Variants in TNS3 observed in about 807,000 individuals in gnomAD.
TNS3 encodes tensin-3.
In TNS3, 45 loss-of-function variants were observed where a neutral mutation model predicts 140.9. The ratio of observed to expected loss-of-function variants is 0.32; its 90% confidence interval spans 0.25 to 0.41. The LOEUF (loss-of-function observed/expected upper bound fraction) is 0.41, where lower values mean the gene tolerates loss of function less well. Among genes scored for constraint, TNS3 ranks in the 10% least tolerant of loss-of-function variants. The probability of loss-of-function intolerance (pLI) is 1.00; values close to 1 mark genes in which losing one functional copy is unlikely to be tolerated. For missense variants in TNS3, 1,716 were observed against 1,906.7 expected (o/e 0.90, Z 1.86); for synonymous variants, 815 against 788.4 (o/e 1.03, Z -0.56).
intron 3 of TNS3, among the ~76,000 whole-genome samples, chr7:47,501,173 AGAGG>A (rs1798203165): frequency 1.3e-5 from 1 of 74,852 alleles, no homozygotes; most frequent in African/African-American, 4.7e-5. Context: ...AGGGAGGAAG[AGAGG>A]AAGGAAGGAA....
intron 22 of TNS3, 146 bp downstream of exon 22, chr7:47,302,803 TG>T: frequency 8.6e-7 from 1 of 1,158,996 alleles, no homozygotes; most frequent in Non-Finnish European, 1.2e-6. Flanking sequence ...ACGAGGAAAA[TG>T]GAAAAGTACC....
At chr7:47,577,765 C>A (rs564037107) in intron 1 of TNS3, among the ~76,000 whole-genome samples, 24 of 152,242 alleles carry the variant, frequency 1.6e-4, no homozygotes, top group African/African-American at 5.5e-4. Flanking sequence ...GTCTTGTTAG[C>A]CGCGTTATTA....
chr7:47,302,111 G>A, intron 23 of TNS3, 75 bp downstream of exon 23: 2 of 1,248,994 alleles, frequency 1.6e-6, no homozygotes, highest in Non-Finnish European at 2.4e-6. Context: ...CCCACCGCAG[G>A]GCCCATCTTC....
chr7:47,329,525 C>T (rs943916797), intron 20 of TNS3, among the ~76,000 whole-genome samples: 2 of 152,214 alleles, frequency 1.3e-5, no homozygotes, highest in Non-Finnish European at 2.9e-5. Context: ...CTGGGACCCT[C>T]AGGGCCACCG....
intron 17 of TNS3, among the ~76,000 whole-genome samples, chr7:47,365,839 G>T (rs1198455679): frequency 6.6e-6 from 1 of 152,208 alleles, no homozygotes; most frequent in Admixed American, 6.5e-5. Flanking sequence ...ATAATATGAT[G>T]TGGCTTTCGA....
At chr7:47,471,627 C>T (rs540796920) in intron 4 of TNS3, among the ~76,000 whole-genome samples, 4 of 152,352 alleles carry the variant, frequency 2.6e-5, no homozygotes, top group Middle Eastern at 3.4e-3. Flanking sequence ...CTTTTAAACA[C>T]GTTCCACTAA....
At chr7:47,454,009 C>A (rs1251591348) in intron 4 of TNS3, among the ~76,000 whole-genome samples, 2 of 152,232 alleles carry the variant, frequency 1.3e-5, no homozygotes, top group African/African-American at 4.8e-5. Context: ...CACTTACATT[C>A]TTTTATTTTT....
chr7:47,548,254 G>C (rs1238814795), intron 1 of TNS3, among the ~76,000 whole-genome samples: 1 of 152,092 alleles, frequency 6.6e-6, no homozygotes, highest in Non-Finnish European at 1.5e-5. Context: ...TTTCCCAGTG[G>C]CATACAGCCT....
At chr7:47,516,648 A>T (rs1289744191) in intron 2 of TNS3, among the ~76,000 whole-genome samples, 1 of 152,188 alleles carries the variant, frequency 6.6e-6, no homozygotes, top group South Asian at 2.1e-4. Flanking sequence ...CTAATGCCCC[A>T]TCTACACATG....
chr7:47,438,531 G>C (rs935974339), intron 6 of TNS3, among the ~76,000 whole-genome samples: 1 of 152,164 alleles, frequency 6.6e-6, no homozygotes, highest in Non-Finnish European at 1.5e-5. Flanking sequence ...CATCAAATGG[G>C]GCTTGGCCAC....
intron 8 of TNS3, among the ~76,000 whole-genome samples, chr7:47,433,065 A>G (rs1254588761): frequency 6.6e-6 from 1 of 152,076 alleles, no homozygotes; most frequent in Non-Finnish European, 1.5e-5. Flanking sequence ...TGAGGAGGAG[A>G]CTGCACACAC....
chr7:47,303,738 T>C (rs2150717091), intron 21 of TNS3, among the ~76,000 whole-genome samples, 154 bp from the exon 22 acceptor site: 1 of 152,306 alleles, frequency 6.6e-6, no homozygotes, highest in South Asian at 2.1e-4. Context: ...ATATGTACAC[T>C]AAGGCCCTCT....
intron 12 of TNS3, among the ~76,000 whole-genome samples, chr7:47,412,008 A>T (rs1003649288): frequency 2.4e-4 from 37 of 152,286 alleles, no homozygotes; most frequent in Admixed American, 1.1e-3. Context: ...TAGCATCATC[A>T]TGGTCAGTGA....
chr7:47,552,775 G>A (rs1800097944), intron 1 of TNS3, among the ~76,000 whole-genome samples: 1 of 152,188 alleles, frequency 6.6e-6, no homozygotes, highest in African/African-American at 2.4e-5. Context: ...TGAAGTGAAA[G>A]GAAGAGTCAC....
intron 1 of TNS3, among the ~76,000 whole-genome samples, chr7:47,560,257 T>C (rs951450363): frequency 2.6e-5 from 4 of 151,826 alleles, no homozygotes; most frequent in African/African-American, 9.7e-5. Flanking sequence ...CCCAGGGAGC[T>C]CCCTCACCCC....
At chr7:47,371,520 C>T (rs566611859) in intron 16 of TNS3, among the ~76,000 whole-genome samples, 1 of 152,290 alleles carries the variant, frequency 6.6e-6, no homozygotes, top group South Asian at 2.1e-4. Context: ...GGAGGGCACA[C>T]ACCTGGAGGC....
rs2151823264 is a variant in TNS3 at position 47,489,922 on chromosome 7, G to T, written c.-114-8781C>A. Among the ~76,000 whole-genome samples the T allele has an allele frequency of 2.0e-5, 3 of 152,334 alleles. 1 individual carries two copies. The East Asian group carries it at 5.8e-4, about 29-fold the overall frequency. ...GGTGCAGCCGAGGCCCGCAGAGGCA[G>T]AATCAGGGTCTACAGACCCCTGAAG... On this transcript the variant is annotated intron_variant, in intron 3 of 30. Transcript: ENST00000311160.
Position 47,278,188 on chromosome 7 carries a change from C to G in TNS3, c.4226G>C (p.Ser1409Thr), listed in dbSNP as rs1784954678. 6.2e-7 allele frequency: 1 copy of G among 1,614,056 alleles called. No homozygotes were observed. The highest frequency in any genetic ancestry group is 1.3e-5 in the African/African-American group (1 of 74,940). The change falls in exon 31 of 31, where the codon AGT becomes ACT. Residue 1409 changes from serine to threonine, a missense_variant. This residue lies in a region of TNS3 where 216 missense variants were observed against 295.7 expected (regional missense o/e 0.73). Transcript: ENST00000311160. ...VFGFVARKQG[S>T]ATDNVCHLFA... ...CAGGTGGCACACATTATCCGTGGCACTGCCCTGCTTCCGGGCCACAAATCC... is the reference window on the plus strand; with the variant it reads ...CAGGTGGCACACATTATCCGTGGCAGTGCCCTGCTTCCGGGCCACAAATCC...
At chr7:47,507,978 T>C (rs1158414147) in intron 2 of TNS3, among the ~76,000 whole-genome samples, 2 of 152,186 alleles carry the variant, frequency 1.3e-5, no homozygotes, top group Non-Finnish European at 2.9e-5. Flanking sequence ...AATGGAATCC[T>C]TCAAGGGACC....
Sources: gnomAD v4.1 joint callset for allele counts (sites outside exome capture counted in the v4.1 genomes callset) on GRCh38, gnomAD v4.1.1 for gene constraint, gnomAD v4.1.1 regional missense constraint, MANE v1.5 for transcripts, NCBI Gene and HGNC (gene_info 2026-07-23, HGNC 2026-07-21) for gene names.